Variants in ZCCHC7 observed in about 807,000 individuals in gnomAD.
The protein encoded by ZCCHC7 is zinc finger CCHC-type containing 7, also known as zinc finger CCHC domain-containing protein 7.
ZCCHC7 carries 35 observed loss-of-function variants against 52.0 expected under a neutral mutation model. The observed-to-expected ratio is 0.67, with a 90% CI of 0.51 to 0.89. The LOEUF (loss-of-function observed/expected upper bound fraction) is 0.89, where lower values mean the gene tolerates loss of function less well. ZCCHC7 is among the 40% of genes least tolerant of loss of function. ZCCHC7 has a pLI of 0.00. For missense variants in ZCCHC7, 574 were observed against 649.1 expected (o/e 0.88, Z 1.26); for synonymous variants, 217 against 221.5 (o/e 0.98, Z 0.18).
intron 2 of ZCCHC7, among the ~76,000 whole-genome samples, chr9:37,261,810 C>G (rs544363505): frequency 1.3e-5 from 2 of 151,972 alleles, no homozygotes; most frequent in East Asian, 3.9e-4. Flanking sequence ...TAATTTTAGT[C>G]AAGGTAAACA....
chr9:37,349,391 C>T lies in ZCCHC7; in HGVS notation c.1022C>T (p.Pro341Leu), dbSNP rs759690590. The T allele has an allele frequency of 8.1e-6, 13 of 1,613,960 alleles. No individual in the cohort carries two copies. The South Asian group carries it at 1.3e-4, about 16-fold the overall frequency. The change falls in exon 7 of 9, where the codon CCT (proline) becomes CTT (leucine). Residue 341 changes from proline (P) to leucine (L), a missense_variant. This residue lies in a region of ZCCHC7 where 403 missense variants were observed against 461.2 expected (regional missense o/e 0.87). Transcript: ENST00000336755. The stretch of plus-strand genomic sequence containing the variant: ...GGACCACCCAAAAAGCCGAAGACCC[C>T]TTCAAGACCATCAGCCTTAGCATAT... Reference protein sequence around the residue: ...KPGPPKKPKTPSRPSALAYCY... With the variant: ...KPGPPKKPKTLSRPSALAYCY...
At chr9:37,288,619 A>G (rs1828378603) in intron 2 of ZCCHC7, among the ~76,000 whole-genome samples, 1 of 151,974 alleles carries the variant, frequency 6.6e-6, no homozygotes, top group Non-Finnish European at 1.5e-5. Context: ...ATTCCATCCA[A>G]ACTTCTCTTA....
chr9:37,215,274 A>T (rs1165303791), intron 2 of ZCCHC7, among the ~76,000 whole-genome samples: 4 of 152,174 alleles, frequency 2.6e-5, no homozygotes, highest in Non-Finnish European at 5.9e-5. Flanking sequence ...GATAAATGAC[A>T]TTATGGTAAA....
At chr9:37,160,392 G>C (rs1305561469) in intron 2 of ZCCHC7, among the ~76,000 whole-genome samples, 3 of 152,204 alleles carry the variant, frequency 2.0e-5, no homozygotes, top group Non-Finnish European at 4.4e-5. Context: ...GGGTGTGCCT[G>C]TATTCCCAGC....
At chr9:37,278,442 C>G (rs1827793602) in intron 2 of ZCCHC7, among the ~76,000 whole-genome samples, 1 of 152,060 alleles carries the variant, frequency 6.6e-6, no homozygotes. Flanking sequence ...CCAAATCACT[C>G]AATCTGAAAA....
At chr9:37,306,457 T>A (rs1348972013) in intron 5 of ZCCHC7, among the ~76,000 whole-genome samples, 1 of 151,594 alleles carries the variant, frequency 6.6e-6, no homozygotes, top group Non-Finnish European at 1.5e-5. Flanking sequence ...CTTCTTTTTT[T>A]ATTTTTATTT....
In ZCCHC7 at chr9:37,184,603, T is replaced by A. The variant is rs148861837; in HGVS notation, c.610+57661T>A. Among the ~76,000 whole-genome samples the A allele has an allele frequency of 3.1e-4, 47 of 152,278 alleles. No homozygotes were observed. In the East Asian group the frequency reaches 8.7e-3, roughly 28 times the overall value. On this transcript the variant is annotated intron_variant, in intron 2 of 8. Coordinates refer to ENST00000336755, the MANE Select transcript of ZCCHC7 (RefSeq NM_032226.3). The stretch of plus-strand genomic sequence containing the variant: ...CATAGTACGAATACCCTGAGAGAGA[T>A]TTCCAGCTTTATTTATTGATCTGAC...
intron 2 of ZCCHC7, among the ~76,000 whole-genome samples, chr9:37,182,386 C>G (rs1822408286): frequency 7.0e-6 from 1 of 142,600 alleles, no homozygotes; most frequent in African/African-American, 2.6e-5. Flanking sequence ...TAGTCTTGCT[C>G]TGTTGCCTAG....
chr9:37,145,600 C>T lies in ZCCHC7; in HGVS notation c.610+18658C>T, dbSNP rs187035745. 2.6e-5 allele frequency among the ~76,000 whole-genome samples: 4 copies of T among 151,980 alleles called. No individual in the cohort carries two copies. In the South Asian group the frequency reaches 8.3e-4, roughly 32 times the overall value. On this transcript the variant is annotated intron_variant, in intron 2 of 8. Transcript: ENST00000336755. ...AAACAAGCCTTAATTGAAAAGGAGGCAGCCTAAAAGTTGATTCTTTATGCT... is the reference window on the plus strand; with the variant it reads ...AAACAAGCCTTAATTGAAAAGGAGGTAGCCTAAAAGTTGATTCTTTATGCT...
chr9:37,126,974 T>C, intron 2 of ZCCHC7, 32 bp downstream of exon 2: 1 of 1,601,098 alleles, frequency 6.2e-7, no homozygotes, highest in African/African-American at 1.3e-5. Flanking sequence ...TTGAAAGTAG[T>C]ATCATCTTTC....
chr9:37,160,358 TAAAA>T (rs1001255662), intron 2 of ZCCHC7: 2 of 151,902 alleles, frequency 1.3e-5, no homozygotes, highest in African/African-American at 4.8e-5. Flanking sequence ...AAAAATAAAA[TAAAA>T]AAATTAGCCA....
rs2118690961 is a variant in ZCCHC7 at position 37,354,617 on chromosome 9, G to A, written c.1084-93G>A. 2.4e-6 allele frequency: 2 copies of A among 850,562 alleles called. No homozygotes were observed. Among genetic ancestry groups the A allele is most frequent in the Non-Finnish European group, 3.8e-6 (2 of 532,416 alleles). 52.7% of individuals were successfully genotyped at this position (850,562 alleles called of 1,614,324 possible). Reference sequence around the variant, plus strand: ...ACCACATGAGGTACCAGTGACATGGGGCTCATTTCTAATTAACATGCTCCA... The same window carrying A: ...ACCACATGAGGTACCAGTGACATGGAGCTCATTTCTAATTAACATGCTCCA... On this transcript the variant is annotated intron_variant, in intron 7 of 8. Transcript: ENST00000336755. The surrounding 1 kb of genome is among the most constrained non-coding windows in gnomAD (Gnocchi z 4.0).
intron 2 of ZCCHC7, among the ~76,000 whole-genome samples, chr9:37,260,556 T>TA (rs1331382146): frequency 6.6e-6 from 1 of 152,222 alleles, no homozygotes; most frequent in Admixed American, 6.5e-5. Context: ...CTGCACAAGT[T>TA]ACATACCTGG....
chr9:37,255,636 C>A (rs1284327577), intron 2 of ZCCHC7, among the ~76,000 whole-genome samples: 1 of 152,066 alleles, frequency 6.6e-6, no homozygotes, highest in East Asian at 1.9e-4. Flanking sequence ...TTTGCCAACA[C>A]TGAGCATTTG....
chr9:37,130,432 T>A (rs1178432266), intron 2 of ZCCHC7, among the ~76,000 whole-genome samples: 1 of 134,750 alleles, frequency 7.4e-6, no homozygotes, highest in Non-Finnish European at 1.6e-5. Flanking sequence ...TGTGTGGTCC[T>A]CCCGCCTTAG....
At chr9:37,304,439 G>A in intron 4 of ZCCHC7, 126 bp downstream of exon 4, 2 of 1,129,522 alleles carry the variant, frequency 1.8e-6, no homozygotes, top group East Asian at 2.6e-5. Context: ...GGATCATGAG[G>A]TCAGGAGATT....
At chr9:37,325,149 T>C (rs1380443596) in intron 5 of ZCCHC7, among the ~76,000 whole-genome samples, 1 of 152,236 alleles carries the variant, frequency 6.6e-6, no homozygotes, top group African/African-American at 2.4e-5. Context: ...TGGTTTATTA[T>C]ACAAAATACA....
intron 2 of ZCCHC7, among the ~76,000 whole-genome samples, chr9:37,158,033 T>C (rs973702021): frequency 1.3e-5 from 2 of 152,236 alleles, no homozygotes; most frequent in Admixed American, 1.3e-4. Context: ...TTGGTAAGGA[T>C]GTACTTCAAC....
At chr9:37,186,800 G>T in intron 2 of ZCCHC7, 1 of 440,332 alleles carries the variant, frequency 2.3e-6, no homozygotes, top group Non-Finnish European at 4.3e-6. Context: ...ATACATGGGG[G>T]ATGATTTTGG....
Sources: allele counts gnomAD v4.1 joint callset (sites outside exome capture counted in the v4.1 genomes callset), GRCh38; gene constraint gnomAD v4.1.1; regional missense constraint gnomAD v4.1.1; non-coding constraint Gnocchi (gnomAD v3.1); transcripts MANE v1.5; gene names NCBI Gene and HGNC (gene_info 2026-07-23, HGNC 2026-07-21).